Variants in NBEAL1 observed in about 807,000 individuals in gnomAD.
NBEAL1 encodes neurobeachin like 1, also known as neurobeachin-like protein 1.
NBEAL1 carries 273 observed loss-of-function variants against 351.3 expected under a neutral mutation model. That is an observed-to-expected ratio of 0.78 (90% CI 0.70 to 0.86). NBEAL1 has a LOEUF of 0.86. Ranked by LOEUF, NBEAL1 falls within the 40% of genes least tolerant of loss-of-function variation. NBEAL1 has a pLI of 0.00. For missense variants in NBEAL1, 2,961 were observed against 3,201.3 expected (o/e 0.92, Z 1.81); for synonymous variants, 1,050 against 1,086.4 (o/e 0.97, Z 0.66).
intron 51 of NBEAL1, among the ~76,000 whole-genome samples, chr2:203,204,322 TGG>T (rs2065490236): frequency 6.7e-6 from 1 of 149,598 alleles, no homozygotes; most frequent in Non-Finnish European, 1.5e-5. Context: ...GGGGGTTTTT[TGG>T]TTTTTTTTTT....
intron 10 of NBEAL1, among the ~76,000 whole-genome samples, chr2:203,086,825 G>A (rs928796226): frequency 1.9e-4 from 29 of 152,136 alleles, no homozygotes; most frequent in African/African-American, 6.8e-4. Context: ...GTGAGCCACC[G>A]TGCCCGGCCT....
chr2:203,086,898 G>A (rs2061971322), intron 10 of NBEAL1, among the ~76,000 whole-genome samples: 1 of 151,938 alleles, frequency 6.6e-6, no homozygotes, highest in Admixed American at 6.6e-5. Flanking sequence ...CTCAAAGGAG[G>A]AACTTGGAAA....
At chr2:203,141,360 ATTATTATTTTTT>A (rs1340956376) in intron 31 of NBEAL1, among the ~76,000 whole-genome samples, 3 of 13,634 alleles carry the variant, frequency 2.2e-4, no homozygotes, top group East Asian at 3.0e-3. Flanking sequence ...TATTATTATT[ATTATTATTTTTT>A]TTTTTTTTTT....
At chr2:203,191,816 A>G (rs1237088186) in intron 46 of NBEAL1, among the ~76,000 whole-genome samples, 1 of 152,196 alleles carries the variant, frequency 6.6e-6, no homozygotes, top group Non-Finnish European at 1.5e-5. Context: ...GAGTAGTTGT[A>G]AGCCCCCGTT....
At chr2:203,133,759 TTA>T (rs1055485243) in intron 27 of NBEAL1, among the ~76,000 whole-genome samples, 1 of 150,638 alleles carries the variant, frequency 6.6e-6, no homozygotes. Context: ...TATATAGAGT[TTA>T]TATATATATA....
intron 31 of NBEAL1, among the ~76,000 whole-genome samples, chr2:203,141,679 G>A (rs2063386574): frequency 1.3e-5 from 2 of 151,626 alleles, no homozygotes; most frequent in African/African-American, 4.8e-5. Context: ...CACCACACCT[G>A]GCCCAGATGA....
At chr2:203,099,164 T>A (rs1482361188) in intron 11 of NBEAL1, among the ~76,000 whole-genome samples, 1 of 151,670 alleles carries the variant, frequency 6.6e-6, no homozygotes, top group Non-Finnish European at 1.5e-5. Context: ...TAATCTCAGC[T>A]ACTCAGGAGG....
intron 2 of NBEAL1, among the ~76,000 whole-genome samples, chr2:203,029,829 G>A (rs1216244243): frequency 2.0e-5 from 3 of 151,980 alleles, no homozygotes; most frequent in African/African-American, 7.3e-5. Context: ...TTTTGTTAAA[G>A]TGGCTTCCAA....
At chr2:203,119,444 T>TTTTTTTTTTTTTTTTTTTTTTTTTTA (rs2062779286) in intron 18 of NBEAL1, among the ~76,000 whole-genome samples, 1 of 142,916 alleles carries the variant, frequency 7.0e-6, no homozygotes, top group Non-Finnish European at 1.5e-5. Context: ...TTTTTTTTTT[T>TTTTTTTTTTTTTTTTTTTTTTTTTTA]GAGACGGAGT....
Position 203,077,697 on chromosome 2 carries a change from A to G in NBEAL1, c.599-55A>G. The G allele has an allele frequency of 1.6e-5, 17 of 1,065,988 alleles. 1 individual carries two copies. In the South Asian group the frequency reaches 4.0e-4, roughly 25 times the overall value. 66.0% of individuals were successfully genotyped at this position (1,065,988 alleles called of 1,614,324 possible). On this transcript the variant is annotated intron_variant, in intron 7 of 55. Coordinates refer to ENST00000683969, the MANE Select transcript of NBEAL1 (RefSeq NM_001378026.1). ...TGCATCAGACATTCCTTAGAGATAA[A>G]TCATACTGTGAAAGACAAATCTTAT...
At chr2:203,208,780 A>G (rs1026980651) in intron 52 of NBEAL1, 27 bp downstream of exon 52, 8 of 1,487,214 alleles carry the variant, frequency 5.4e-6, no homozygotes, top group African/African-American at 1.4e-5. Context: ...AAGAAATACT[A>G]TTTATTTTGT....
chr2:203,163,619 A>G (rs1271976547), intron 36 of NBEAL1, among the ~76,000 whole-genome samples: 1 of 152,072 alleles, frequency 6.6e-6, no homozygotes, highest in Non-Finnish European at 1.5e-5. Context: ...TTTTTCCACT[A>G]CAGATTAATT....
At chr2:203,185,648 A>G (rs998751241) in intron 44 of NBEAL1, among the ~76,000 whole-genome samples, 10 of 152,186 alleles carry the variant, frequency 6.6e-5, no homozygotes, top group Non-Finnish European at 2.9e-5. Context: ...TAGCAGTCAT[A>G]TGGCAGCTGG....
intron 44 of NBEAL1, among the ~76,000 whole-genome samples, chr2:203,185,433 C>T (rs953851126): frequency 3.9e-5 from 6 of 152,096 alleles, no homozygotes; most frequent in South Asian, 2.1e-4. Context: ...ATGTAGATGA[C>T]GGATTGATGG....
In NBEAL1 at chr2:203,218,538, G is replaced by T. The variant is rs1192244190; in HGVS notation, c.*1184G>T. ...CCCTCTGAAATTGTGCAGAGACTTTGTATGTTAAATGCATTTTCAGGAAGG... is the reference window on the plus strand; with the variant it reads ...CCCTCTGAAATTGTGCAGAGACTTTTTATGTTAAATGCATTTTCAGGAAGG... On this transcript the variant is annotated 3_prime_UTR_variant, in exon 56 of 56. Coordinates refer to ENST00000683969, the MANE Select transcript of NBEAL1 (RefSeq NM_001378026.1). 2 of 152,116 alleles carry T rather than the reference G, an allele frequency of 1.3e-5. No homozygotes were observed. Among genetic ancestry groups the T allele is most frequent in the Non-Finnish European group, 2.9e-5 (2 of 67,998 alleles). The allele number at this position is 152,116 out of a possible 1,614,324, so 9.4% of individuals were successfully genotyped here.
At chr2:203,145,813 AAAAG>A (rs1187044195) in intron 33 of NBEAL1, among the ~76,000 whole-genome samples, 6 of 151,350 alleles carry the variant, frequency 4.0e-5, no homozygotes, top group African/African-American at 1.2e-4. Flanking sequence ...AAAAAAAAAA[AAAAG>A]AAAGAAAAAC....
At chr2:203,209,942 G>C (rs537935902) in intron 53 of NBEAL1, among the ~76,000 whole-genome samples, 2 of 152,098 alleles carry the variant, frequency 1.3e-5, no homozygotes, top group East Asian at 3.9e-4. Context: ...TTAGAGACGA[G>C]GTCTCCCTAC....
intron 4 of NBEAL1, among the ~76,000 whole-genome samples, chr2:203,054,087 G>A (rs1160904794): frequency 6.6e-6 from 1 of 152,062 alleles, no homozygotes; most frequent in Non-Finnish European, 1.5e-5. Flanking sequence ...CTCCTGAGTA[G>A]CTGGGAGGCA....
intron 44 of NBEAL1, among the ~76,000 whole-genome samples, chr2:203,185,506 A>G (rs115958484): frequency 0.025 from 3,760 of 152,258 alleles, 171 homozygotes; most frequent in African/African-American, 0.086. Flanking sequence ...CTGCACGTGT[A>G]TCCCAGAACT....
Sources: allele counts gnomAD v4.1 joint callset (sites outside exome capture counted in the v4.1 genomes callset), GRCh38; gene constraint gnomAD v4.1.1; transcripts MANE v1.5; gene names NCBI Gene and HGNC (gene_info 2026-07-23, HGNC 2026-07-21).